Variants in NRG3 observed in about 807,000 individuals in gnomAD.
The protein encoded by NRG3 is pro-neuregulin-3, membrane-bound isoform.
A neutral mutation model predicts 66.9 loss-of-function variants in NRG3; 31 were observed. That is an observed-to-expected ratio of 0.46 (90% confidence interval 0.35 to 0.63). NRG3 has a LOEUF of 0.63. Ranked by LOEUF, NRG3 falls within the 20% of genes least tolerant of loss-of-function variation. NRG3 has a pLI of 0.00. For synonymous variants in NRG3, 393 were observed against 359.4 expected (o/e 1.09, Z -1.06); for missense variants, 910 against 878.9 (o/e 1.04, Z -0.45).
At chr10:82,480,775 T>C (rs2132143668) in intron 2 of NRG3, among the ~76,000 whole-genome samples, 1 of 152,356 alleles carries the variant, frequency 6.6e-6, no homozygotes, top group East Asian at 1.9e-4. Flanking sequence ...ATACCCTGTT[T>C]CATAGCTGCT....
rs543933316 is a variant in NRG3, at chr10:82,503,179, C to T, written c.953+144311C>T. Among the ~76,000 whole-genome samples, 8 of 152,048 alleles carry T rather than the reference C, an allele frequency of 5.3e-5. No homozygotes were observed. In the East Asian group the frequency reaches 7.7e-4, roughly 15 times the overall value. On this transcript the variant is annotated intron_variant, in intron 2 of 8. Coordinates refer to ENST00000372141, the MANE Select transcript of NRG3 (RefSeq NM_001010848.4). ...CAAAATGATATAAGTGAAACAGAAG[C>T]GAAGGGAAGATTGAAATTTACAAGC...
chr10:82,659,419 A>G (rs1362521673), intron 2 of NRG3, among the ~76,000 whole-genome samples: 1 of 152,142 alleles, frequency 6.6e-6, no homozygotes, highest in Non-Finnish European at 1.5e-5. Flanking sequence ...GCACTTTGGG[A>G]GGATATTTGA....
chr10:82,531,701 CAT>C (rs1278682337), intron 2 of NRG3, among the ~76,000 whole-genome samples: 1 of 151,844 alleles, frequency 6.6e-6, no homozygotes, highest in East Asian at 1.9e-4. Flanking sequence ...CAGAGGGGCA[CAT>C]GTACTCTCAA....
At chr10:81,993,902 C>T (rs1389100604) in intron 1 of NRG3, among the ~76,000 whole-genome samples, 1 of 152,174 alleles carries the variant, frequency 6.6e-6, no homozygotes, top group Non-Finnish European at 1.5e-5. Context: ...GATTGAACCC[C>T]TCTTTTGCTA....
At chr10:82,228,004 A>T (rs931200397) in intron 1 of NRG3, among the ~76,000 whole-genome samples, 1 of 152,158 alleles carries the variant, frequency 6.6e-6, no homozygotes, top group Non-Finnish European at 1.5e-5. Flanking sequence ...CACCTGCATG[A>T]TAGTGTACCT....
intron 1 of NRG3, among the ~76,000 whole-genome samples, chr10:82,165,000 T>G (rs1029349917): frequency 6.6e-6 from 1 of 152,164 alleles, no homozygotes. Context: ...CCTATATAAC[T>G]TATTTATTAA....
chr10:82,179,031 A>G (rs948036920), intron 1 of NRG3, among the ~76,000 whole-genome samples: 5 of 152,014 alleles, frequency 3.3e-5, no homozygotes, highest in African/African-American at 1.2e-4. Flanking sequence ...TGGCATTTGT[A>G]TGTTTTCTTT....
chr10:81,875,441 C>T lies in NRG3; in HGVS notation c.101C>T (p.Ala34Val). The T allele has an allele frequency of 1.7e-6, 2 of 1,181,236 alleles. No homozygotes were observed. The highest frequency in any genetic ancestry group is 2.1e-6 in the Non-Finnish European group (2 of 956,828). 73.2% of individuals were successfully genotyped at this position (1,181,236 alleles called of 1,614,324 possible). Residue 34 changes from alanine to valine, a missense_variant, in exon 1 of 9, where the codon GCG becomes GTG. By Grantham distance (64) the Ala-to-Val change is moderately conservative. Transcript: ENST00000372141. The surrounding 1 kb of genome is among the most constrained non-coding windows in gnomAD (Gnocchi z 5.3). Reference sequence around the variant, plus strand: ...GCGGCGGCTGCGGCGGCGGCAGCGGCGGGCGGGGGCCCGGACGGCGGCGGC... The same window carrying T: ...GCGGCGGCTGCGGCGGCGGCAGCGGTGGGCGGGGGCCCGGACGGCGGCGGC... ...GTAAAAAAAA[A>V]GGGPDGGGEG...
At chr10:81,878,876 A>C (rs1841924978) in intron 1 of NRG3, among the ~76,000 whole-genome samples, 1 of 152,162 alleles carries the variant, frequency 6.6e-6, no homozygotes, top group Non-Finnish European at 1.5e-5. Flanking sequence ...AATCAGAAGG[A>C]TCCTGTCTGT....
chr10:82,715,232 C>T (rs762261909), intron 2 of NRG3, among the ~76,000 whole-genome samples: 32 of 152,018 alleles, frequency 2.1e-4, no homozygotes, highest in Non-Finnish European at 3.4e-4. Context: ...CCATCGCTAC[C>T]AAAAAATACA....
chr10:82,606,139 C>G (rs908587720), intron 2 of NRG3, among the ~76,000 whole-genome samples: 1 of 152,032 alleles, frequency 6.6e-6, no homozygotes. Context: ...TTTTAGATTT[C>G]CTTTTATTCT....
rs184636517 is a variant in NRG3 at position 82,039,580 on chromosome 10, G to C, written c.823+163417G>C. Among the ~76,000 whole-genome samples the C allele has an allele frequency of 3.3e-5, 5 of 152,170 alleles. No homozygotes were observed. In the East Asian group the frequency reaches 9.7e-4, roughly 29 times the overall value. ...TCCAAGGCATGATATTTTCTCTTTA[G>C]TCATTTGAGAACCCAAGGTCTTACA... On this transcript the variant is annotated intron_variant, in intron 1 of 8. Transcript: ENST00000372141.
rs912694370 is a variant in NRG3 at position 82,641,159 on chromosome 10, G to T, written c.954-97418G>T. Among the ~76,000 whole-genome samples the T allele has an allele frequency of 1.3e-5, 2 of 149,946 alleles. 1 individual carries two copies. The highest frequency in any genetic ancestry group is 5.0e-5 in the African/African-American group (2 of 40,050). On this transcript the variant is annotated intron_variant, in intron 2 of 8. Transcript: ENST00000372141. ...CATTCTCCTGCCTCAGCAGTCTGTC[G>T]TTTTTTAAGTAATGTATACTTATTT...
chr10:82,932,176 T>C (rs1847640391), intron 4 of NRG3, among the ~76,000 whole-genome samples: 1 of 152,134 alleles, frequency 6.6e-6, no homozygotes, highest in Non-Finnish European at 1.5e-5. Context: ...AGTACTTTGT[T>C]TTCCTCTCTA....
intron 1 of NRG3, among the ~76,000 whole-genome samples, chr10:81,987,281 C>T (rs879307491): frequency 4.6e-5 from 7 of 152,134 alleles, no homozygotes; most frequent in Admixed American, 1.3e-4. Flanking sequence ...GACCTGGTTT[C>T]GCCTTGTTGG....
intron 3 of NRG3, among the ~76,000 whole-genome samples, chr10:82,800,744 CA>C (rs1228804601): frequency 6.6e-6 from 1 of 152,184 alleles, no homozygotes; most frequent in African/African-American, 2.4e-5. Flanking sequence ...AGCAAGAGTT[CA>C]GTCTCAAATG....
At chr10:82,452,979 G>A (rs748677460) in intron 2 of NRG3, among the ~76,000 whole-genome samples, 2 of 152,092 alleles carry the variant, frequency 1.3e-5, no homozygotes, top group Non-Finnish European at 2.9e-5. Context: ...TGTAGTCCCT[G>A]GCTCAGGGGA....
chr10:82,837,435 G>A (rs957319197), intron 3 of NRG3, among the ~76,000 whole-genome samples: 3 of 152,086 alleles, frequency 2.0e-5, no homozygotes, highest in Non-Finnish European at 2.9e-5. Flanking sequence ...ATGTTTAACT[G>A]TATTATATTC....
At chr10:82,818,067 C>T (rs762639849) in intron 3 of NRG3, among the ~76,000 whole-genome samples, 2 of 152,190 alleles carry the variant, frequency 1.3e-5, no homozygotes, top group Admixed American at 6.5e-5. Flanking sequence ...AGAGTAGCCA[C>T]GCATGGGCTG....
Sources: allele counts gnomAD v4.1 joint callset (sites outside exome capture counted in the v4.1 genomes callset), GRCh38; gene constraint gnomAD v4.1.1; non-coding constraint Gnocchi (gnomAD v3.1); transcripts MANE v1.5; gene names NCBI Gene and HGNC (gene_info 2026-07-23, HGNC 2026-07-21).